WDR72: variants seen among roughly 807,000 people sequenced by gnomAD.
The protein encoded by WDR72 is WD repeat domain 72, also known as WD repeat-containing protein 72.
In WDR72, 120 loss-of-function variants were observed where a neutral mutation model predicts 124.2. The observed-to-expected ratio is 0.97, with a 90% CI of 0.83 to 1.12. The LOEUF is 1.12. WDR72 is among the 50% of genes most tolerant of loss of function. WDR72 has a pLI of 0.00. For synonymous variants in WDR72, 452 were observed against 441.7 expected (o/e 1.02, Z -0.29); for missense variants, 1,387 against 1,278.8 (o/e 1.08, Z -1.29).
At chr15:53,545,568 A>C (rs1893407061) in intron 18 of WDR72, among the ~76,000 whole-genome samples, 1 of 151,980 alleles carries the variant, frequency 6.6e-6, no homozygotes, top group African/African-American at 2.4e-5. Flanking sequence ...CCCTAGAAGC[A>C]AACCTAGGCA....
intron 13 of WDR72, among the ~76,000 whole-genome samples, chr15:53,670,324 A>G (rs1027492027): frequency 3.9e-5 from 6 of 152,250 alleles, no homozygotes; most frequent in Non-Finnish European, 5.9e-5. Context: ...CGTAGTTTCC[A>G]AAAAGTCAGC....
At chr15:53,566,839 T>C (rs1307901725) in intron 18 of WDR72, among the ~76,000 whole-genome samples, 1 of 152,022 alleles carries the variant, frequency 6.6e-6, no homozygotes, top group Non-Finnish European at 1.5e-5. Context: ...GTAATATTCA[T>C]GAAATAGTCC....
chr15:53,699,522 C>T (rs2017100927), intron 13 of WDR72, among the ~76,000 whole-genome samples: 1 of 152,178 alleles, frequency 6.6e-6, no homozygotes, highest in African/African-American at 2.4e-5. Flanking sequence ...ATATCCGGCT[C>T]ATTCCTGTGC....
At chr15:53,551,723 A>G (rs1415800795) in intron 18 of WDR72, among the ~76,000 whole-genome samples, 1 of 152,196 alleles carries the variant, frequency 6.6e-6, no homozygotes, top group African/African-American at 2.4e-5. Flanking sequence ...AGATAAAGAA[A>G]GCAGGGAGCC....
chr15:53,732,880 T>G, intron 2 of WDR72, 117 bp downstream of exon 2: 2 of 1,243,052 alleles, frequency 1.6e-6, no homozygotes, highest in Non-Finnish European at 2.3e-6. Flanking sequence ...ATTTATTACT[T>G]TAATAAACAT....
intron 14 of WDR72, 143 bp from the exon 15 acceptor site, chr15:53,616,386 T>C: frequency 1.7e-6 from 1 of 592,092 alleles, no homozygotes; most frequent in Non-Finnish European, 2.9e-6. Flanking sequence ...GTCTTAGCTA[T>C]AAAAATTCAT....
At chr15:53,680,634 C>A (rs2016348692) in intron 13 of WDR72, among the ~76,000 whole-genome samples, 1 of 152,170 alleles carries the variant, frequency 6.6e-6, no homozygotes, top group South Asian at 2.1e-4. Context: ...TTCCTAGAAC[C>A]TTAACCCCAT....
chr15:53,643,851 A>G (rs1280487655), intron 14 of WDR72, among the ~76,000 whole-genome samples: 1 of 152,094 alleles, frequency 6.6e-6, no homozygotes, highest in African/African-American at 2.4e-5. Context: ...AAGAAAATAC[A>G]TTTTCATAGA....
chr15:53,540,782 TGC>T (rs2140255677), intron 18 of WDR72: 1 of 155,258 alleles, frequency 6.4e-6, no homozygotes, highest in East Asian at 1.9e-4. Context: ...GGTCAGTGGG[TGC>T]GCGCACCGTG....
chr15:53,716,761 T>C, intron 3 of WDR72, 76 bp from the exon 4 acceptor site: 2 of 957,562 alleles, frequency 2.1e-6, no homozygotes, highest in Non-Finnish European at 3.3e-6. Flanking sequence ...GCCACCAAGT[T>C]TTTCTTTAGC....
At position 53,561,557 on chromosome 15, in the gene WDR72, A is replaced by C. The variant is rs557829427; in HGVS notation, c.3148+35522T>G. Among the ~76,000 whole-genome samples, 13 of 151,940 alleles carry C rather than the reference A, an allele frequency of 8.6e-5. No homozygotes were observed. The South Asian group carries it at 2.5e-3, about 29-fold the overall frequency. ...TCTCCCTAGAAACTCATATATTTCC[A>C]AAACCTCAATTTCTTGTTATCCAAA... On this transcript the variant is annotated intron_variant, in intron 18 of 19. Coordinates refer to ENST00000360509, the MANE Select transcript of WDR72 (RefSeq NM_182758.4).
At chr15:53,529,208 G>A (rs1892314859) in intron 18 of WDR72, among the ~76,000 whole-genome samples, 2 of 134,866 alleles carry the variant, frequency 1.5e-5, no homozygotes, top group Admixed American at 7.8e-5. Context: ...TTTCATTAAA[G>A]AGGTGAACTT....
At chr15:53,631,361 C>T (rs550118549) in intron 14 of WDR72, among the ~76,000 whole-genome samples, 1 of 152,332 alleles carries the variant, frequency 6.6e-6, no homozygotes, top group East Asian at 1.9e-4. Flanking sequence ...CCTGTAGAGC[C>T]TGCAGAACTG....
At position 53,693,813 on chromosome 15, in the gene WDR72, G is replaced by A. The variant is rs533355752; in HGVS notation, c.1765+5937C>T. On this transcript the variant is annotated intron_variant, in intron 13 of 19. Coordinates refer to ENST00000360509, the MANE Select transcript of WDR72 (RefSeq NM_182758.4). The stretch of plus-strand genomic sequence containing the variant: ...CCTTAATTTCTTATGAATAGGTTTT[G>A]TTTCAATGCTCTGTACAAAAAATGT... Among the ~76,000 whole-genome samples the A allele has an allele frequency of 3.9e-5, 6 of 152,282 alleles. No homozygotes were observed. The East Asian group carries it at 1.2e-3, about 29-fold the overall frequency.
At chr15:53,736,006 A>C (rs905210863) in intron 1 of WDR72, among the ~76,000 whole-genome samples, 1 of 152,106 alleles carries the variant, frequency 6.6e-6, no homozygotes, top group African/African-American at 2.4e-5. Flanking sequence ...AATTAACTTG[A>C]ATACAATTTT....
intron 18 of WDR72, among the ~76,000 whole-genome samples, chr15:53,532,814 G>A (rs556751343): frequency 1.0e-3 from 154 of 152,124 alleles, no homozygotes; most frequent in African/African-American, 3.4e-3. Flanking sequence ...TAATAAGTGG[G>A]TGAAGTGATG....
chr15:53,682,997 G>C (rs1032628395), intron 13 of WDR72, among the ~76,000 whole-genome samples: 1 of 152,120 alleles, frequency 6.6e-6, no homozygotes, highest in African/African-American at 2.4e-5. Flanking sequence ...AAGGTGAAGG[G>C]GAAACAAGGG....
chr15:53,615,979 C>T lies in WDR72; in HGVS notation c.2227G>A (p.Ala743Thr). Reference sequence around the variant, plus strand: ...GCCAGGCTTTCAGTAATAGGCTTGGCTAGTGCCTCTGCTGAAAGAGGACCA... The same window carrying T: ...GCCAGGCTTTCAGTAATAGGCTTGGTTAGTGCCTCTGCTGAAAGAGGACCA... Reference protein sequence around the residue: ...ACGPLSAEALAKPITESLAQG... With the variant: ...ACGPLSAEALTKPITESLAQG... The change falls in exon 15 of 20, where the codon GCC becomes ACC. Residue 743 changes from alanine to threonine, a missense_variant. Transcript: ENST00000360509. The T allele has an allele frequency of 1.2e-6, 2 of 1,613,232 alleles. No homozygotes were observed. The highest frequency in any genetic ancestry group is 1.7e-6 in the Non-Finnish European group (2 of 1,179,586).
chr15:53,545,618 C>A (rs1350167043), intron 18 of WDR72, among the ~76,000 whole-genome samples: 1 of 151,258 alleles, frequency 6.6e-6, no homozygotes, highest in African/African-American at 2.4e-5. Context: ...GATTTCATGT[C>A]CAAAACACCA....
Sources: allele counts gnomAD v4.1 joint callset (sites outside exome capture counted in the v4.1 genomes callset), GRCh38; gene constraint gnomAD v4.1.1; transcripts MANE v1.5; gene names NCBI Gene and HGNC (gene_info 2026-07-23, HGNC 2026-07-21).